AHR: variants seen among roughly 807,000 people sequenced by gnomAD.
AHR encodes aryl hydrocarbon receptor.
A neutral mutation model predicts 86.8 loss-of-function variants in AHR; 40 were observed. The ratio of observed to expected loss-of-function variants is 0.46; its 90% CI spans 0.36 to 0.60. AHR has a LOEUF of 0.60. Among genes scored for constraint, AHR ranks in the 20% least tolerant of loss-of-function variants. The probability of loss-of-function intolerance (pLI) is 0.00; values close to 1 mark genes in which losing one functional copy is unlikely to be tolerated. For synonymous variants in AHR, 398 were observed against 354.9 expected (o/e 1.12, Z -1.37); for missense variants, 1,001 against 1,011.6 (o/e 0.99, Z 0.14).
At chr7:17,330,696 C>T in intron 5 of AHR, 60 bp from the exon 6 acceptor site, 1 of 1,447,432 alleles carries the variant, frequency 6.9e-7, no homozygotes, top group African/African-American at 1.4e-5. Context: ...TTTACCTATT[C>T]AAGTGCTTAA....
intron 8 of AHR, among the ~76,000 whole-genome samples, 174 bp downstream of exon 8, chr7:17,335,170 C>T (rs1029948307): frequency 1.3e-5 from 2 of 152,094 alleles, no homozygotes; most frequent in African/African-American, 4.8e-5. Context: ...AACTTGTCTA[C>T]ACCTGCCATG....
chr7:17,314,649 A>G (rs1191925254), intron 2 of AHR, among the ~76,000 whole-genome samples: 1 of 152,092 alleles, frequency 6.6e-6, no homozygotes, highest in Non-Finnish European at 1.5e-5. Context: ...CTTGAAAAAC[A>G]AGTATACGTA....
chr7:17,321,898 A>G (rs1424765230), intron 2 of AHR, among the ~76,000 whole-genome samples: 2 of 152,036 alleles, frequency 1.3e-5, no homozygotes, highest in Admixed American at 1.3e-4. Flanking sequence ...CAAGATTATA[A>G]AGACATTAAT....
chr7:17,323,618 C>T (rs192366447), intron 3 of AHR, among the ~76,000 whole-genome samples: 1 of 152,300 alleles, frequency 6.6e-6, no homozygotes, highest in East Asian at 1.9e-4. Flanking sequence ...ACTAGAAAAA[C>T]TTCACCATTG....
chr7:17,336,551 C>T (rs1230502892), intron 9 of AHR, among the ~76,000 whole-genome samples: 1 of 152,134 alleles, frequency 6.6e-6, no homozygotes, highest in East Asian at 1.9e-4. Context: ...ATTCCATATA[C>T]ATTTTAGAAA....
In AHR at chr7:17,330,690, C is replaced by T. The variant is rs186556609; in HGVS notation, c.575-66C>T. The T allele has an allele frequency of 9.3e-3, 12,931 of 1,389,330 alleles. 143 individuals carry two copies. Among genetic ancestry groups the T allele is most frequent in the Non-Finnish European group, 8.9e-3 (9,366 of 1,047,060 alleles). 86.1% of individuals were successfully genotyped at this position (1,389,330 alleles called of 1,614,324 possible). A position where few individuals can be genotyped will look rare whatever the true frequency, so the allele number is the denominator to read the frequency against. On this transcript the variant is annotated intron_variant, in intron 5 of 10. Transcript: ENST00000242057. ...AGTTTAGAAACTAATACAAATTTTA[C>T]CTATTCAAGTGCTTAATTTTACAGC...
At chr7:17,300,108 C>T (rs1393496733) in intron 1 of AHR, among the ~76,000 whole-genome samples, 2 of 152,054 alleles carry the variant, frequency 1.3e-5, no homozygotes. Context: ...AATTCTTTTC[C>T]CCTTCAAAGT....
At chr7:17,342,868 A>C in intron 10 of AHR, 53 bp from the exon 11 acceptor site, 1 of 1,547,308 alleles carries the variant, frequency 6.5e-7, no homozygotes, top group Non-Finnish European at 8.9e-7. Flanking sequence ...TTACTGGCTT[A>C]AGATACTTGG....
chr7:17,324,753 G>A (rs1265841550), intron 3 of AHR, among the ~76,000 whole-genome samples: 2 of 150,238 alleles, frequency 1.3e-5, no homozygotes, highest in East Asian at 3.9e-4. Context: ...AGTGAGCAGA[G>A]ATCACACCAC....
chr7:17,315,500 T>C (rs1782106258), intron 2 of AHR, among the ~76,000 whole-genome samples: 1 of 152,002 alleles, frequency 6.6e-6, no homozygotes, highest in African/African-American at 2.4e-5. Flanking sequence ...TTACCTAGTC[T>C]TGCATGGTTC....
chr7:17,310,538 T>TC (rs1043206249), intron 2 of AHR, among the ~76,000 whole-genome samples: 18 of 147,844 alleles, frequency 1.2e-4, no homozygotes, highest in African/African-American at 4.4e-4. Context: ...TTTCTAATCT[T>TC]TTTTTTTTTT....
intron 1 of AHR, among the ~76,000 whole-genome samples, chr7:17,306,802 C>T (rs1381393529): frequency 6.6e-6 from 1 of 152,126 alleles, no homozygotes; most frequent in Non-Finnish European, 1.5e-5. Flanking sequence ...GCTTAAATCT[C>T]TCTTCAAGCC....
In AHR at chr7:17,335,646, G is replaced by C; in HGVS notation, c.1020G>C (p.Met340Ile). The part of the protein sequence containing the change: ...MLYCAESHIR[M>I]IKTGESGMIV... ...TTTAATTTTTTAATTTTATTTTAGT[G>C]ATTAAGACTGGAGAAAGTGGCATGA... The change falls in exon 9 of 11, where the codon ATG (methionine) becomes ATC (isoleucine). Residue 340 changes from methionine (M) to isoleucine (I), a missense_variant and splice_region_variant. Physicochemically the swap from Met to Ile is conservative, Grantham distance 10. This residue lies in a region of AHR where 394 missense variants were observed against 468.5 expected (regional missense o/e 0.84). Coordinates refer to ENST00000242057, the MANE Select transcript of AHR (RefSeq NM_001621.5). 1 of 1,555,144 alleles carries C rather than the reference G, an allele frequency of 6.4e-7. No individual in the cohort carries two copies. Among genetic ancestry groups the C allele is most frequent in the Non-Finnish European group, 8.7e-7 (1 of 1,148,614 alleles).
rs1781922319 is a variant in AHR at position 17,298,973 on chromosome 7, C to T, written c.-292C>T. The T allele has an allele frequency of 2.3e-6, 1 of 444,128 alleles. No homozygotes were observed. The highest frequency in any genetic ancestry group is 2.1e-5 in the African/African-American group (1 of 48,734). The allele number at this position is 444,128 out of a possible 1,614,324, so 27.5% of individuals were successfully genotyped here. ...ACCTGCGGGCATTGCCGCGCCGCCT[C>T]CGCCGGTGTAGACGGCACCTGCGCC... On this transcript the variant is annotated 5_prime_UTR_variant, in exon 1 of 11. Transcript: ENST00000242057.
chr7:17,299,025 G>A lies in AHR; in HGVS notation c.-240G>A, dbSNP rs575761640. On this transcript the variant is annotated 5_prime_UTR_variant, in exon 1 of 11. Coordinates refer to ENST00000242057, the MANE Select transcript of AHR (RefSeq NM_001621.5). ...CCTTGCTCGCGGGTCTCCGCCCCTC[G>A]CCCACCCTCACTGCGCCAGGCCCAG... 4.2e-6 allele frequency: 2 copies of A among 474,856 alleles called. No individual in the cohort carries two copies. The highest frequency in any genetic ancestry group is 4.4e-5 in the Admixed American group (1 of 22,932). 29.4% of individuals were successfully genotyped at this position (474,856 alleles called of 1,614,324 possible).
In AHR at chr7:17,324,584, C is replaced by T. The variant is rs538971718; in HGVS notation, c.360+1977C>T. Among the ~76,000 whole-genome samples, 25 of 152,176 alleles carry T rather than the reference C, an allele frequency of 1.6e-4. No homozygotes were observed. In the South Asian group the frequency reaches 2.9e-3, roughly 18 times the overall value. The stretch of plus-strand genomic sequence containing the variant: ...TTGGGAGGCCAAGGCGGGCAGATCA[C>T]GAGGTCAGGAGTTCAAGACCAGCCT... On this transcript the variant is annotated intron_variant, in intron 3 of 10. Transcript: ENST00000242057.
intron 2 of AHR, among the ~76,000 whole-genome samples, chr7:17,312,283 T>C (rs1211020392): frequency 6.6e-6 from 1 of 152,238 alleles, no homozygotes; most frequent in Non-Finnish European, 1.5e-5. Context: ...CTGACTCTGA[T>C]AAAGCTTTAT....
chr7:17,339,717 T>C lies in AHR; in HGVS notation c.1892T>C (p.Val631Ala). The C allele has an allele frequency of 6.2e-7, 1 of 1,614,088 alleles. No individual in the cohort carries two copies. Among genetic ancestry groups the C allele is most frequent in the Non-Finnish European group, 8.5e-7 (1 of 1,179,998 alleles). The change falls in exon 10 of 11, where the codon GTA (valine) becomes GCA (alanine). Residue 631 changes from valine (V) to alanine (A), a missense_variant. Around this residue, in one of 2 missense-constraint regions of AHR, gnomAD observed 607 missense variants for 543.1 expected, o/e 1.12. Coordinates refer to ENST00000242057, the MANE Select transcript of AHR (RefSeq NM_001621.5). Reference protein sequence around the residue: ...QQQQHHQKQVVVEPQQQLCQK... With the variant: ...QQQQHHQKQVAVEPQQQLCQK... ...CAGCAACATCACCAAAAGCAAGTAG[T>C]AGTGGAGCCACAGCAACAGCTGTGT...
chr7:17,340,369 C>T (rs984364355), intron 10 of AHR, 141 bp downstream of exon 10: 12 of 1,142,716 alleles, frequency 1.1e-5, no homozygotes, highest in Middle Eastern at 2.8e-4. Context: ...ATATCTGTGA[C>T]TACCTTTTTT....
Sources: allele counts gnomAD v4.1 joint callset (sites outside exome capture counted in the v4.1 genomes callset), GRCh38; gene constraint gnomAD v4.1.1; regional missense constraint gnomAD v4.1.1; transcripts MANE v1.5; gene names NCBI Gene and HGNC (gene_info 2026-07-23, HGNC 2026-07-21).